CUX2: variants seen among roughly 807,000 people sequenced by gnomAD.
CUX2 encodes cut like homeobox 2.
A neutral mutation model predicts 144.8 loss-of-function variants in CUX2; 40 were observed. The observed-to-expected ratio is 0.28, with a 90% confidence interval of 0.21 to 0.36. The LOEUF is 0.36. Among genes scored for constraint, CUX2 ranks in the 10% least tolerant of loss-of-function variants. CUX2 has a pLI of 1.00. For synonymous variants in CUX2, 827 were observed against 875.6 expected (o/e 0.94, Z 0.98); for missense variants, 1,615 against 1,994.0 (o/e 0.81, Z 3.62).
intron 3 of CUX2, among the ~76,000 whole-genome samples, chr12:111,226,238 C>T (rs1192546832): frequency 6.6e-6 from 1 of 152,210 alleles, no homozygotes; most frequent in Non-Finnish European, 1.5e-5. Flanking sequence ...GCCATCACAC[C>T]TGGCCTTCCC....
intron 1 of CUX2, among the ~76,000 whole-genome samples, chr12:111,046,222 G>A (rs571279016): frequency 4.6e-5 from 7 of 152,340 alleles, no homozygotes; most frequent in East Asian, 1.9e-4. Flanking sequence ...CCTGCATGCC[G>A]CTTGGCAGGG....
chr12:111,099,832 G>A (rs940683530), intron 1 of CUX2: 6 of 417,990 alleles, frequency 1.4e-5, no homozygotes, highest in South Asian at 3.5e-5. Context: ...CAGCGGGGCC[G>A]ATGGGCAGCT....
chr12:111,272,248 A>G (rs1168299774), intron 4 of CUX2, among the ~76,000 whole-genome samples: 1 of 152,150 alleles, frequency 6.6e-6, no homozygotes, highest in African/African-American at 2.4e-5. Flanking sequence ...CTGCACAGCT[A>G]CAGGAAATAG....
rs577220939 is a variant in CUX2 at position 111,035,327 on chromosome 12, A to G, written c.63+1087A>G. 3.9e-5 allele frequency among the ~76,000 whole-genome samples: 6 copies of G among 151,908 alleles called. No homozygotes were observed. The highest frequency in any genetic ancestry group is 1.4e-4 in the African/African-American group (6 of 41,408). On this transcript the variant is annotated intron_variant, in intron 1 of 21. Coordinates refer to ENST00000261726, the MANE Select transcript of CUX2 (RefSeq NM_015267.4). This position sits in a 1 kb window ranked among gnomAD's most constrained non-coding sequence, Gnocchi z 6.0. ...TTGTGGGAGTCTGTGTGCCTCCCCT[A>G]GATTTGGAGGTGTTCTCTGCGGACC... is the stretch of plus-strand genomic sequence containing the variant.
At chr12:111,336,683 A>G (rs1888368654) in intron 19 of CUX2, among the ~76,000 whole-genome samples, 1 of 151,834 alleles carries the variant, frequency 6.6e-6, no homozygotes, top group Non-Finnish European at 1.5e-5. Flanking sequence ...CTTGACCTCA[A>G]GTGATCCTCC....
chr12:111,205,802 T>A (rs1464725315), intron 1 of CUX2, among the ~76,000 whole-genome samples: 1 of 152,228 alleles, frequency 6.6e-6, no homozygotes, highest in African/African-American at 2.4e-5. Flanking sequence ...CAGTGGTCTG[T>A]GAACCATGTC....
chr12:111,276,083 T>C (rs960068260), intron 4 of CUX2, among the ~76,000 whole-genome samples: 1 of 152,210 alleles, frequency 6.6e-6, no homozygotes, highest in Non-Finnish European at 1.5e-5. Context: ...CCGGGCACAC[T>C]AGCTCATGCC....
intron 1 of CUX2, among the ~76,000 whole-genome samples, chr12:111,172,172 T>G (rs1420294142): frequency 3.3e-5 from 5 of 152,226 alleles, no homozygotes; most frequent in Non-Finnish European, 7.3e-5. Flanking sequence ...TGTGTTTGTG[T>G]GTGTATGTGC....
intron 1 of CUX2, among the ~76,000 whole-genome samples, chr12:111,134,645 T>A (rs543507689): frequency 5.3e-5 from 8 of 152,046 alleles, no homozygotes; most frequent in African/African-American, 1.9e-4. Flanking sequence ...TGTGTGTGTG[T>A]GTGTTTCTGC....
intron 18 of CUX2, among the ~76,000 whole-genome samples, chr12:111,331,207 T>C (rs1888107094): frequency 1.3e-5 from 2 of 151,898 alleles, no homozygotes; most frequent in African/African-American, 2.4e-5. Flanking sequence ...TTCTGGAGCA[T>C]AGGAGTGGTC....
rs1018537361 is a variant in CUX2, at chr12:111,061,113, G to A, written c.63+26873G>A. Among the ~76,000 whole-genome samples the A allele has an allele frequency of 6.6e-6, 1 of 152,004 alleles. No homozygotes were observed. Among genetic ancestry groups the A allele is most frequent in the African/African-American group, 2.4e-5 (1 of 41,390 alleles). The stretch of plus-strand genomic sequence containing the variant: ...CTCCCCTCATGGCTGTGGCCCTGCA[G>A]AGGCCAGCCGCTGATCAGTGAGTCT... On this transcript the variant is annotated intron_variant, in intron 1 of 21. Coordinates refer to ENST00000261726, the MANE Select transcript of CUX2 (RefSeq NM_015267.4). The surrounding 1 kb of genome is among the most constrained non-coding windows in gnomAD (Gnocchi z 4.2).
Position 111,304,166 on chromosome 12 carries a change from C to G in CUX2, c.754-44C>G, listed in dbSNP as rs1454726610. On this transcript the variant is annotated intron_variant, in intron 9 of 21. Transcript: ENST00000261726. The surrounding 1 kb of genome is among the most constrained non-coding windows in gnomAD (Gnocchi z 4.7). Reference sequence around the variant, plus strand: ...ACAGTGCAGGGAGAAGGTGGAAGTGCAGAGTGGGCTCACCTCTCGCCCACA... The same window carrying G: ...ACAGTGCAGGGAGAAGGTGGAAGTGGAGAGTGGGCTCACCTCTCGCCCACA... The G allele has an allele frequency of 6.7e-7, 1 of 1,501,322 alleles. No individual in the cohort carries two copies. The highest frequency in any genetic ancestry group is 2.3e-5 in the East Asian group (1 of 43,720). 93.0% of individuals were successfully genotyped at this position (1,501,322 alleles called of 1,614,324 possible).
intron 1 of CUX2, among the ~76,000 whole-genome samples, chr12:111,181,319 C>T (rs1442629543): frequency 6.6e-6 from 1 of 152,236 alleles, no homozygotes; most frequent in Non-Finnish European, 1.5e-5. Flanking sequence ...TTAGGCAAGC[C>T]AGCAGCTGGC....
In CUX2 at chr12:111,332,323, G is replaced by A. The variant is rs535729761; in HGVS notation, c.2927-2118G>A. On this transcript the variant is annotated intron_variant, in intron 18 of 21. Coordinates refer to ENST00000261726, the MANE Select transcript of CUX2 (RefSeq NM_015267.4). Reference sequence around the variant, plus strand: ...AATTTTTGTATTTTTTAGTAGAGACGGGGTTTCACCATTTGGCCAGGCTGG... The same window carrying A: ...AATTTTTGTATTTTTTAGTAGAGACAGGGTTTCACCATTTGGCCAGGCTGG... Among the ~76,000 whole-genome samples the A allele has an allele frequency of 7.7e-5, 11 of 142,704 alleles. No individual in the cohort carries two copies. The South Asian group carries it at 1.2e-3, about 15-fold the overall frequency. 93.6% of individuals were successfully genotyped at this position (142,704 alleles called of 152,430 possible). A position where few individuals can be genotyped will look rare whatever the true frequency, so the allele number is the denominator to read the frequency against.
At chr12:111,330,686 CATATATAT>C (rs57018141) in intron 18 of CUX2, among the ~76,000 whole-genome samples, 881 of 59,144 alleles carry the variant, frequency 0.015, 37 homozygotes, top group African/African-American at 0.028. Context: ...AATACATATA[CATATATAT>C]ATATATATAT....
intron 1 of CUX2, among the ~76,000 whole-genome samples, chr12:111,131,513 A>G (rs972169590): frequency 1.3e-5 from 2 of 152,168 alleles, no homozygotes; most frequent in African/African-American, 2.4e-5. Context: ...GAATTAACCC[A>G]AAAGTCCACA....
At chr12:111,199,734 G>T (rs530146991) in intron 1 of CUX2, among the ~76,000 whole-genome samples, 1 of 152,104 alleles carries the variant, frequency 6.6e-6, no homozygotes, top group Admixed American at 6.5e-5. Flanking sequence ...TCTGTCTGTG[G>T]TATGTGTCTC....
chr12:111,327,598 T>C (rs780146437), intron 18 of CUX2, among the ~76,000 whole-genome samples: 3 of 152,194 alleles, frequency 2.0e-5, no homozygotes, highest in Non-Finnish European at 4.4e-5. Context: ...GTAGATTTTA[T>C]TGTCATGGAA....
chr12:111,174,541 C>T (rs1044559244), intron 1 of CUX2, among the ~76,000 whole-genome samples: 3 of 152,194 alleles, frequency 2.0e-5, no homozygotes, highest in Admixed American at 6.5e-5. Flanking sequence ...GCCAAAAGCA[C>T]GGGACAGTTT....
Sources: allele counts gnomAD v4.1 joint callset (sites outside exome capture counted in the v4.1 genomes callset), GRCh38; gene constraint gnomAD v4.1.1; non-coding constraint Gnocchi (gnomAD v3.1); transcripts MANE v1.5; gene names NCBI Gene and HGNC (gene_info 2026-07-23, HGNC 2026-07-21).